EVC2: variants seen among roughly 807,000 people sequenced by gnomAD.
EVC2 encodes the protein EvC ciliary complex subunit 2, also known as limbin.
EVC2 carries 148 observed loss-of-function variants against 149.3 expected under a neutral mutation model. The ratio of observed to expected loss-of-function variants is 0.99; its 90% CI spans 0.87 to 1.14. The LOEUF is 1.14. Ranked by LOEUF, EVC2 falls within the 50% of genes most tolerant of loss-of-function variation. The pLI is 0.00. For missense variants in EVC2, 1,854 were observed against 1,627.3 expected (o/e 1.14, Z -2.40); for synonymous variants, 776 against 649.9 (o/e 1.19, Z -2.95).
chr4:5,542,852 C>T (rs1190136452), exon 23 of EVC2: 1 of 303,542 alleles, frequency 3.3e-6, no homozygotes, highest in African/African-American at 2.2e-5. Flanking sequence ...GTGCCCACAG[C>T]TGGGCTCATA....
intron 6 of EVC2, among the ~76,000 whole-genome samples, chr4:5,684,294 TTTTTG>T (rs1327620837): frequency 6.6e-6 from 1 of 152,208 alleles, no homozygotes; most frequent in Non-Finnish European, 1.5e-5. Context: ...TATCTAAGGT[TTTTTG>T]TTTTGTTTTG....
Position 5,688,825 on chromosome 4 carries a change from T to C in EVC2, c.706+332A>G, listed in dbSNP as rs1390250140. On this transcript the variant is annotated intron_variant, in intron 5 of 21. Coordinates refer to ENST00000344408, the MANE Select transcript of EVC2 (RefSeq NM_147127.5). ...ATTTTGGTGATCTGAGTGACAGGTA[T>C]ACTGGGGTCCACTGTCAACTCTATC... Among the ~76,000 whole-genome samples the C allele has an allele frequency of 2.6e-5, 4 of 152,230 alleles. No individual in the cohort carries two copies. The East Asian group carries it at 5.8e-4, about 22-fold the overall frequency.
At chr4:5,681,224 G>T in intron 7 of EVC2, 36 bp downstream of exon 7, 1 of 1,613,266 alleles carries the variant, frequency 6.2e-7, no homozygotes. Flanking sequence ...GCACAGGTGT[G>T]TCCTGAGGGT....
At position 5,640,369 on chromosome 4, in the gene EVC2, G is replaced by A; in HGVS notation, c.1470+145C>T. ...GAATGGTTGGATGAATGAATGGAAG[G>A]ATGAATAGATGAATGAGTGGGTGGT... On this transcript the variant is annotated intron_variant, in intron 10 of 21. Transcript: ENST00000344408. The surrounding 1 kb of genome is among the most constrained non-coding windows in gnomAD (Gnocchi z 4.6). 1 of 954,874 alleles carries A rather than the reference G, an allele frequency of 1.0e-6. No homozygotes were observed. The highest frequency in any genetic ancestry group is 1.3e-5 in the South Asian group (1 of 75,662). 59.2% of individuals were successfully genotyped at this position (954,874 alleles called of 1,614,324 possible). A position where few individuals can be genotyped will look rare whatever the true frequency, so the allele number is the denominator to read the frequency against.
At chr4:5,542,911 T>C (rs1200852133) in intron 22 of EVC2, 1 of 332,236 alleles carries the variant, frequency 3.0e-6, no homozygotes, top group Non-Finnish European at 5.9e-6. Context: ...CCAGGGCCAC[T>C]GAAAGGATCA....
intron 7 of EVC2, among the ~76,000 whole-genome samples, chr4:5,669,437 G>A (rs1008906496): frequency 5.3e-5 from 8 of 152,186 alleles, no homozygotes; most frequent in Admixed American, 3.9e-4. Context: ...CAATGTCTAC[G>A]TTTGTCCCAC....
chr4:5,605,351 A>G (rs781728834), intron 16 of EVC2, among the ~76,000 whole-genome samples: 1 of 152,306 alleles, frequency 6.6e-6, no homozygotes, highest in Non-Finnish European at 1.5e-5. Flanking sequence ...AATCATAGAC[A>G]CAGTAGCCTC....
At chr4:5,649,707 G>A (rs891140249) in intron 9 of EVC2, among the ~76,000 whole-genome samples, 12 of 152,110 alleles carry the variant, frequency 7.9e-5, no homozygotes, top group African/African-American at 2.9e-4. Context: ...ATATAAATCT[G>A]GCATCTTCAA....
rs1395543112 is a variant in EVC2 at position 5,615,419 on chromosome 4, G to A, written c.2829+3C>T. ...AACAGCTGGGTGAAGCAGATGTACTGACCTTTTCCACCAGGTCTTCAGAGG... is the reference window on the plus strand; with the variant it reads ...AACAGCTGGGTGAAGCAGATGTACTAACCTTTTCCACCAGGTCTTCAGAGG... On this transcript the variant is annotated splice_donor_region_variant and intron_variant, in intron 16 of 21. Transcript: ENST00000344408. The A allele has an allele frequency of 6.2e-7, 1 of 1,614,188 alleles. No homozygotes were observed. The highest frequency in any genetic ancestry group is 8.5e-7 in the Non-Finnish European group (1 of 1,180,014).
Position 5,576,280 on chromosome 4 carries a change from G to C in EVC2, c.3232C>G (p.Leu1078Val). 1.2e-6 allele frequency: 2 copies of C among 1,614,162 alleles called. No homozygotes were observed. The highest frequency in any genetic ancestry group is 1.1e-5 in the South Asian group (1 of 91,088). Residue 1078 changes from leucine (L) to valine (V), a missense_variant, in exon 18 of 22, where the codon CTG becomes GTG. Leu to Val is a conservative substitution (Grantham distance 32). Transcript: ENST00000344408. The surrounding 1 kb of genome is among the most constrained non-coding windows in gnomAD (Gnocchi z 4.5). ...RQVSTVLHQA[L>V]SKSQTLLEQH... ...TCCAGTAATGTCTGGCTCTTGCTCA[G>C]GGCTTGGTGCAGGACAGTAGAGACC...
chr4:5,652,051 A>C (rs1484167592), intron 9 of EVC2, among the ~76,000 whole-genome samples: 3 of 152,224 alleles, frequency 2.0e-5, no homozygotes, highest in Non-Finnish European at 4.4e-5. Context: ...AACAGGGGGA[A>C]GCTGGCGAAG....
intron 16 of EVC2, among the ~76,000 whole-genome samples, chr4:5,596,308 C>T (rs572477191): frequency 4.4e-4 from 67 of 152,290 alleles, no homozygotes; most frequent in Non-Finnish European, 8.1e-4. Context: ...AAATTGACCA[C>T]ATAGTTGGAA....
intron 21 of EVC2, among the ~76,000 whole-genome samples, chr4:5,557,289 A>T (rs1205203984): frequency 1.3e-5 from 2 of 152,170 alleles, no homozygotes; most frequent in Non-Finnish European, 2.9e-5. Flanking sequence ...CATTTAATGG[A>T]ATACATCACA....
rs1199457948 is a variant in EVC2 at position 5,637,432 on chromosome 4, G to A, written c.1470+3082C>T. The stretch of plus-strand genomic sequence containing the variant: ...AGATCCTCTCAGTCCCTACCTCACT[G>A]AGTTGTTGTGAACGCTAAAGAGAGT... On this transcript the variant is annotated intron_variant, in intron 10 of 21. Coordinates refer to ENST00000344408, the MANE Select transcript of EVC2 (RefSeq NM_147127.5). The surrounding 1 kb of genome is among the most constrained non-coding windows in gnomAD (Gnocchi z 4.4). 6.6e-6 allele frequency among the ~76,000 whole-genome samples: 1 copy of A among 152,138 alleles called. No homozygotes were observed. The highest frequency in any genetic ancestry group is 1.5e-5 in the Non-Finnish European group (1 of 68,034).
At chr4:5,668,281 T>G (rs1719404012) in intron 7 of EVC2, among the ~76,000 whole-genome samples, 1 of 152,158 alleles carries the variant, frequency 6.6e-6, no homozygotes, top group African/African-American at 2.4e-5. Flanking sequence ...CTAAGTTAGG[T>G]CAAAAACAGG....
At chr4:5,701,051 G>A (rs1463206003) in intron 1 of EVC2, among the ~76,000 whole-genome samples, 2 of 152,160 alleles carry the variant, frequency 1.3e-5, no homozygotes, top group Non-Finnish European at 2.9e-5. Flanking sequence ...GCTCTTTTCT[G>A]GAGGCTCCAG....
At chr4:5,682,859 CAAA>C (rs34177761) in intron 6 of EVC2, among the ~76,000 whole-genome samples, 12 of 97,118 alleles carry the variant, frequency 1.2e-4, no homozygotes, top group East Asian at 2.8e-4. Flanking sequence ...AACGCTGTCT[CAAA>C]AAAAAAAAAA....
rs113620220 is a variant in EVC2, at chr4:5,626,733, C to A, written c.1887-825G>T. Among the ~76,000 whole-genome samples the A allele has an allele frequency of 4.6e-3, 700 of 152,210 alleles. 2 individuals are homozygous for A. The highest frequency in any genetic ancestry group is 0.014 in the African/African-American group (601 of 41,542). ...AGCAGACGGCCCTCCCCAGCATGAG[C>A]GGGCATCATCCAATATGCTGAGGTC... On this transcript the variant is annotated intron_variant, in intron 12 of 21. Coordinates refer to ENST00000344408, the MANE Select transcript of EVC2 (RefSeq NM_147127.5).
chr4:5,648,212 T>G (rs547746816), intron 9 of EVC2, among the ~76,000 whole-genome samples: 1 of 152,208 alleles, frequency 6.6e-6, no homozygotes, highest in Non-Finnish European at 1.5e-5. Context: ...TGCAATAGAT[T>G]ATTGTAAATG....
Sources: allele counts gnomAD v4.1 joint callset (sites outside exome capture counted in the v4.1 genomes callset), GRCh38; gene constraint gnomAD v4.1.1; non-coding constraint Gnocchi (gnomAD v3.1); transcripts MANE v1.5; gene names NCBI Gene and HGNC (gene_info 2026-07-23, HGNC 2026-07-21).